The following RORB variants were observed in gnomAD, a reference collection of about 807,000 sequenced individuals.
RORB encodes the protein RAR related orphan receptor B, also known as nuclear receptor ROR-beta.
In RORB, 6 loss-of-function variants were observed where a neutral mutation model predicts 59.1. The observed-to-expected ratio is 0.10, with a 90% CI of 0.06 to 0.20. The LOEUF is 0.20. Ranked by LOEUF, RORB falls within the 10% of genes least tolerant of loss-of-function variation. The probability of loss-of-function intolerance (pLI) is 1.00; values close to 1 mark genes in which losing one functional copy is unlikely to be tolerated. For synonymous variants in RORB, 215 were observed against 204.5 expected, an observed-to-expected ratio of 1.05 and a Z score of -0.44; for missense variants, 320 against 560.5, an observed-to-expected ratio of 0.57 and a Z score of 4.33.
intron 4 of RORB, among the ~76,000 whole-genome samples, chr9:74,657,119 C>A (rs1187803394): frequency 6.6e-6 from 1 of 152,222 alleles, no homozygotes; most frequent in Non-Finnish European, 1.5e-5. Flanking sequence ...GATCTCAGCT[C>A]ACTGCAACTT....
At chr9:74,608,382 G>C (rs572808806) in intron 1 of RORB, among the ~76,000 whole-genome samples, 1 of 152,022 alleles carries the variant, frequency 6.6e-6, no homozygotes, top group Admixed American at 6.5e-5. Flanking sequence ...TGGCTAACAC[G>C]CTGAAACCCC....
intron 1 of RORB, among the ~76,000 whole-genome samples, chr9:74,579,411 T>C (rs1327443664): frequency 6.6e-6 from 1 of 152,124 alleles, no homozygotes; most frequent in Non-Finnish European, 1.5e-5. Context: ...GGCAGCATCT[T>C]TGAGCATTTT....
Position 74,497,769 on chromosome 9 carries a change from A to C in RORB, c.-208A>C. The C allele has an allele frequency of 1.8e-6, 1 of 561,340 alleles. No individual in the cohort carries two copies. The highest frequency in any genetic ancestry group is 3.2e-6 in the Non-Finnish European group (1 of 311,874). The allele number at this position is 561,340 out of a possible 1,614,324, so 34.8% of individuals were successfully genotyped here. A position where few individuals can be genotyped will look rare whatever the true frequency, so the allele number is the denominator to read the frequency against. On this transcript the variant is annotated 5_prime_UTR_variant, in exon 1 of 10. Transcript: ENST00000376896. The stretch of plus-strand genomic sequence containing the variant: ...CAAACAAACAATCATCAAAACAGTC[A>C]CCACCAACATCAAAACTGTTAACAT...
At chr9:74,634,572 A>G (rs1179345172) in intron 2 of RORB, 59 bp from the exon 3 acceptor site, 2 of 1,462,964 alleles carry the variant, frequency 1.4e-6, no homozygotes, top group Non-Finnish European at 9.2e-7. Context: ...GTATACATTA[A>G]TGTTCTCTGT....
intron 1 of RORB, among the ~76,000 whole-genome samples, chr9:74,571,361 C>T (rs1822547932): frequency 6.6e-6 from 1 of 150,408 alleles, no homozygotes; most frequent in African/African-American, 2.4e-5. Context: ...GAGAGTACTC[C>T]GGAGCAGTAT....
intron 1 of RORB, among the ~76,000 whole-genome samples, chr9:74,530,369 CA>C (rs1239650809): frequency 1.3e-5 from 2 of 151,994 alleles, no homozygotes; most frequent in Non-Finnish European, 2.9e-5. Flanking sequence ...GTAAAGGTGA[CA>C]CTGGTCATGT....
intron 1 of RORB, among the ~76,000 whole-genome samples, chr9:74,566,777 C>T (rs1822476185): frequency 6.6e-6 from 1 of 152,152 alleles, no homozygotes. Flanking sequence ...AACCTGGAAA[C>T]AGGGCGAGAT....
intron 9 of RORB, among the ~76,000 whole-genome samples, chr9:74,683,290 G>T (rs1004638416): frequency 6.6e-6 from 1 of 152,280 alleles, no homozygotes; most frequent in South Asian, 2.1e-4. Context: ...CTCCTTCTGT[G>T]TGAGCCAGCT....
intron 1 of RORB, among the ~76,000 whole-genome samples, chr9:74,608,643 G>T (rs531566411): frequency 1.3e-5 from 2 of 151,802 alleles, no homozygotes; most frequent in South Asian, 4.2e-4. Context: ...TCCCTCTGAT[G>T]AAAAATAAAT....
intron 2 of RORB, 150 bp downstream of exon 2, chr9:74,630,517 G>C (rs1338772894): frequency 1.9e-6 from 1 of 517,684 alleles, no homozygotes; most frequent in Non-Finnish European, 3.4e-6. Flanking sequence ...TGGGTGGGAG[G>C]GTTGATTTTC....
chr9:74,643,143 A>G (rs1823839475), intron 4 of RORB, among the ~76,000 whole-genome samples: 1 of 152,222 alleles, frequency 6.6e-6, no homozygotes, highest in South Asian at 2.1e-4. Flanking sequence ...GCATGTATTC[A>G]AAGTTGATGC....
chr9:74,567,025 C>T (rs1822479274), intron 1 of RORB, among the ~76,000 whole-genome samples: 2 of 151,612 alleles, frequency 1.3e-5, no homozygotes, highest in Admixed American at 1.3e-4. Flanking sequence ...CAAATGCCCA[C>T]CCCACCCTTT....
intron 1 of RORB, among the ~76,000 whole-genome samples, chr9:74,515,795 T>TA (rs1826001347): frequency 6.6e-6 from 1 of 152,024 alleles, no homozygotes; most frequent in South Asian, 2.1e-4. Flanking sequence ...CTGGATGAGT[T>TA]AAAAAGATCA....
At chr9:74,675,212 A>C (rs931255406) in intron 9 of RORB, among the ~76,000 whole-genome samples, 7 of 151,988 alleles carry the variant, frequency 4.6e-5, no homozygotes, top group African/African-American at 1.7e-4. Flanking sequence ...AGGTATATTC[A>C]GGCTATAAAT....
At chr9:74,674,564 T>C (rs922425228) in intron 9 of RORB, among the ~76,000 whole-genome samples, 2 of 152,212 alleles carry the variant, frequency 1.3e-5, no homozygotes, top group African/African-American at 4.8e-5. Flanking sequence ...GCAAGGGCAA[T>C]CTCCAACACA....
chr9:74,615,559 G>C (rs1436047535), intron 1 of RORB: 3 of 451,266 alleles, frequency 6.6e-6, no homozygotes, highest in Non-Finnish European at 8.9e-6. Context: ...CCAGTGAAAA[G>C]TATCATATTT....
At chr9:74,574,236 C>T (rs75685222) in intron 1 of RORB, among the ~76,000 whole-genome samples, 2 of 152,078 alleles carry the variant, frequency 1.3e-5, no homozygotes, top group Non-Finnish European at 2.9e-5. Context: ...GCAAACAGAT[C>T]CAGCCCTGAG....
chr9:74,620,282 T>C (rs1181439241), intron 1 of RORB, among the ~76,000 whole-genome samples: 1 of 152,210 alleles, frequency 6.6e-6, no homozygotes, highest in African/African-American at 2.4e-5. Context: ...AGGGTGTATG[T>C]GTCGAGGAAT....
At chr9:74,682,513 T>A (rs1465317642) in intron 9 of RORB, among the ~76,000 whole-genome samples, 1 of 152,012 alleles carries the variant, frequency 6.6e-6, no homozygotes, top group African/African-American at 2.4e-5. Context: ...GAAATAGGAT[T>A]CAAACCCAAG....
Sources: gnomAD v4.1 joint callset for allele counts (sites outside exome capture counted in the v4.1 genomes callset) on GRCh38, gnomAD v4.1.1 for gene constraint, MANE v1.5 for transcripts, NCBI Gene and HGNC (gene_info 2026-07-23, HGNC 2026-07-21) for gene names.